The following AGBL1 variants were observed in gnomAD, a reference collection of about 807,000 sequenced individuals.
AGBL1 encodes cytosolic carboxypeptidase 4.
A neutral mutation model predicts 118.9 loss-of-function variants in AGBL1; 130 were observed. The observed-to-expected ratio is 1.09, with a 90% confidence interval of 0.95 to 1.26. The LOEUF is 1.26. Ranked by LOEUF, AGBL1 falls within the 50% of genes most tolerant of loss-of-function variation. The probability of loss-of-function intolerance (pLI) is 0.00; values close to 1 mark genes in which losing one functional copy is unlikely to be tolerated. For synonymous variants in AGBL1, 555 were observed against 478.9 expected, an observed-to-expected ratio of 1.16 and a Z score of -2.08; for missense variants, 1,584 against 1,298.1, an observed-to-expected ratio of 1.22 and a Z score of -3.38.
At chr15:86,894,786 C>A (rs1171147843) in intron 22 of AGBL1, among the ~76,000 whole-genome samples, 1 of 152,146 alleles carries the variant, frequency 6.6e-6, no homozygotes, top group East Asian at 1.9e-4. Context: ...AGTGGTCCAA[C>A]AAAGTGCTCA....
intron 5 of AGBL1, among the ~76,000 whole-genome samples, chr15:86,191,918 C>CAA (rs139184059): frequency 1.4e-5 from 2 of 144,546 alleles, no homozygotes; most frequent in African/African-American, 5.1e-5. Context: ...AAAAAAAAAA[C>CAA]AAAAAAAACC....
intron 21 of AGBL1, among the ~76,000 whole-genome samples, chr15:86,574,607 A>T (rs62012474): frequency 0.26 from 20,732 of 80,850 alleles, 2,000 homozygotes; most frequent in Middle Eastern, 0.33. Context: ...GATGAGGTTT[A>T]GCTCTTGTCA....
intron 1 of AGBL1, among the ~76,000 whole-genome samples, chr15:86,085,353 C>T (rs1407500000): frequency 1.3e-5 from 2 of 151,988 alleles, no homozygotes; most frequent in Non-Finnish European, 2.9e-5. Flanking sequence ...AATGACAGTT[C>T]ATGAAGGGGA....
intron 22 of AGBL1, among the ~76,000 whole-genome samples, chr15:86,835,688 A>G (rs1454337026): frequency 2.6e-5 from 4 of 152,180 alleles, no homozygotes; most frequent in Non-Finnish European, 5.9e-5. Context: ...GGCTAGGGTA[A>G]AAGTGATGAA....
intron 21 of AGBL1, among the ~76,000 whole-genome samples, chr15:86,580,540 A>G (rs1402771206): frequency 6.6e-6 from 1 of 152,120 alleles, no homozygotes; most frequent in African/African-American, 2.4e-5. Flanking sequence ...GTCTGTACAT[A>G]CATTTATGGA....
chr15:86,171,810 A>T (rs2077419858), intron 5 of AGBL1, among the ~76,000 whole-genome samples: 2 of 152,252 alleles, frequency 1.3e-5, no homozygotes, highest in South Asian at 4.1e-4. Flanking sequence ...CCAATCAACA[A>T]ATGGATAAAG....
At chr15:86,117,722 C>T (rs549673040) in intron 1 of AGBL1, among the ~76,000 whole-genome samples, 13 of 152,144 alleles carry the variant, frequency 8.5e-5, no homozygotes, top group Non-Finnish European at 1.2e-4. Context: ...ACACGTCATC[C>T]TTCATATTTT....
At chr15:86,536,752 A>G (rs530993398) in intron 19 of AGBL1, among the ~76,000 whole-genome samples, 6 of 152,308 alleles carry the variant, frequency 3.9e-5, no homozygotes, top group African/African-American at 1.4e-4. Context: ...CCGCTTAGAA[A>G]GCATTCCTCT....
intron 1 of AGBL1, among the ~76,000 whole-genome samples, chr15:86,123,819 G>C (rs930258664): frequency 6.6e-6 from 1 of 152,146 alleles, no homozygotes; most frequent in African/African-American, 2.4e-5. Flanking sequence ...ATGGGCCACT[G>C]TTCACTTGTA....
chr15:86,997,833 CA>C (rs2081393749), intron 24 of AGBL1, among the ~76,000 whole-genome samples: 1 of 150,708 alleles, frequency 6.6e-6, no homozygotes, highest in African/African-American at 2.4e-5. Flanking sequence ...GAGAGGAAGA[CA>C]TATTTCATAA....
At chr15:86,712,074 C>T (rs774092996) in intron 22 of AGBL1, among the ~76,000 whole-genome samples, 1 of 152,166 alleles carries the variant, frequency 6.6e-6, no homozygotes, top group Non-Finnish European at 1.5e-5. Flanking sequence ...TTCACCCCTG[C>T]CCTCCACCTC....
chr15:86,086,579 G>A (rs552741562), intron 1 of AGBL1, among the ~76,000 whole-genome samples: 6 of 152,224 alleles, frequency 3.9e-5, no homozygotes, highest in East Asian at 1.9e-4. Context: ...ATGGCAAAGC[G>A]TATGTGCTCA....
intron 22 of AGBL1, among the ~76,000 whole-genome samples, chr15:86,778,538 G>T (rs907690204): frequency 6.6e-6 from 1 of 152,136 alleles, no homozygotes; most frequent in Non-Finnish European, 1.5e-5. Flanking sequence ...GATGTTCCTT[G>T]CTGAGAAAAA....
chr15:86,512,066 G>A (rs1429897335), intron 18 of AGBL1, among the ~76,000 whole-genome samples: 1 of 152,014 alleles, frequency 6.6e-6, no homozygotes, highest in Non-Finnish European at 1.5e-5. Context: ...GTGAATATAC[G>A]TTTATGAAAT....
intron 5 of AGBL1, among the ~76,000 whole-genome samples, chr15:86,203,470 CTG>C (rs2077940093): frequency 6.6e-6 from 1 of 152,130 alleles, no homozygotes; most frequent in African/African-American, 2.4e-5. Flanking sequence ...TACACAGTAT[CTG>C]TGTATTTCTC....
Position 86,915,048 on chromosome 15 carries a change from C to T in AGBL1, c.*7754C>T, listed in dbSNP as rs891890014. Reference sequence around the variant, plus strand: ...ATTTGTGTGCCAGATGCAGAGCTCACTGTCTGGCCGAGGCAGGTACTCAGA... The same window carrying T: ...ATTTGTGTGCCAGATGCAGAGCTCATTGTCTGGCCGAGGCAGGTACTCAGA... On this transcript the variant is annotated 3_prime_UTR_variant, in exon 23 of 23. Coordinates refer to ENST00000614907, the MANE Select transcript of AGBL1 (RefSeq NM_001386094.1). 6.6e-6 allele frequency: 1 copy of T among 152,166 alleles called. No homozygotes were observed. Among genetic ancestry groups the T allele is most frequent in the Non-Finnish European group, 1.5e-5 (1 of 68,034 alleles). 9.4% of individuals were successfully genotyped at this position (152,166 alleles called of 1,614,324 possible). A position where few individuals can be genotyped will look rare whatever the true frequency, so the allele number is the denominator to read the frequency against.
chr15:86,587,976 AC>A (rs2084278428), intron 21 of AGBL1, among the ~76,000 whole-genome samples: 1 of 152,306 alleles, frequency 6.6e-6, no homozygotes, highest in African/African-American at 2.4e-5. Flanking sequence ...TGAAAAAGTA[AC>A]TGCTTTGTAT....
At chr15:86,224,982 C>T (rs891536966) in intron 6 of AGBL1, 31 bp downstream of exon 6, 1 of 1,609,494 alleles carries the variant, frequency 6.2e-7, no homozygotes, top group Admixed American at 1.7e-5. Flanking sequence ...GTGGCTATTT[C>T]TCTCCACTCT....
intron 23 of AGBL1, among the ~76,000 whole-genome samples, chr15:86,935,349 G>T (rs183232812): frequency 2.6e-5 from 4 of 152,274 alleles, no homozygotes; most frequent in African/African-American, 9.6e-5. Flanking sequence ...AATTGTACAC[G>T]TGAATACATT....
Sources: gnomAD v4.1 joint callset for allele counts (sites outside exome capture counted in the v4.1 genomes callset) on GRCh38, gnomAD v4.1.1 for gene constraint, MANE v1.5 for transcripts, NCBI Gene and HGNC (gene_info 2026-07-23, HGNC 2026-07-21) for gene names.